Variants in SUGCT observed in about 807,000 individuals in gnomAD.
The protein encoded by SUGCT is succinyl-CoA:glutarate-CoA transferase, also known as succinyl-CoA:glutarate CoA-transferase.
In SUGCT, 41 loss-of-function variants were observed where a neutral mutation model predicts 55.0. The observed-to-expected ratio is 0.74, with a 90% CI of 0.58 to 0.97. SUGCT has a LOEUF of 0.97. Ranked by LOEUF, SUGCT falls within the 50% of genes least tolerant of loss-of-function variation. SUGCT has a pLI of 0.00. For synonymous variants in SUGCT, 187 were observed against 200.4 expected (o/e 0.93, Z 0.56); for missense variants, 568 against 547.8 (o/e 1.04, Z -0.37).
intron 12 of SUGCT, among the ~76,000 whole-genome samples, chr7:40,715,530 G>T (rs1432363143): frequency 6.6e-6 from 1 of 152,080 alleles, no homozygotes; most frequent in Non-Finnish European, 1.5e-5. Context: ...GTCTAAAACT[G>T]AGCTTACCTT....
At chr7:40,452,569 G>A (rs1234483522) in intron 10 of SUGCT, among the ~76,000 whole-genome samples, 1 of 152,132 alleles carries the variant, frequency 6.6e-6, no homozygotes, top group East Asian at 1.9e-4. Flanking sequence ...AAGGTATAAT[G>A]TTTAAGGCCT....
At chr7:40,853,136 G>A (rs1259651405) in intron 13 of SUGCT, among the ~76,000 whole-genome samples, 1 of 151,428 alleles carries the variant, frequency 6.6e-6, no homozygotes, top group African/African-American at 2.4e-5. Context: ...TCTATGTTTT[G>A]TTTGCTAATA....
chr7:40,284,463 C>T (rs1258875968), intron 8 of SUGCT, among the ~76,000 whole-genome samples: 1 of 151,794 alleles, frequency 6.6e-6, no homozygotes, highest in Non-Finnish European at 1.5e-5. Context: ...CAAAAATTAG[C>T]CAGGTGTGGT....
chr7:40,314,417 C>T lies in SUGCT; in HGVS notation c.721-2343C>T, dbSNP rs189029463. Among the ~76,000 whole-genome samples the T allele has an allele frequency of 4.4e-3, 666 of 152,096 alleles. 6 individuals are homozygous for T. Among genetic ancestry groups the T allele is most frequent in the African/African-American group, 0.015 (608 of 41,516 alleles). On this transcript the variant is annotated intron_variant, in intron 8 of 13. Coordinates refer to ENST00000335693, the MANE Select transcript of SUGCT (RefSeq NM_001193313.2). ...ACAGAGCCCCTTAGAGAGTGACATT[C>T]GCCATGATTTATTTGAATGAAAAAA...
chr7:40,391,037 G>A (rs552623992), intron 9 of SUGCT, among the ~76,000 whole-genome samples: 10 of 152,254 alleles, frequency 6.6e-5, no homozygotes, highest in African/African-American at 2.4e-4. Context: ...ATGGGGAAAG[G>A]ATTCCCTATT....
intron 1 of SUGCT, chr7:40,153,512 A>G: frequency 2.6e-6 from 1 of 381,624 alleles, no homozygotes. Context: ...CACATTTTGG[A>G]CCTATGACTC....
the SUGCT span, among the ~76,000 whole-genome samples, chr7:40,880,394 T>C: frequency 2.6e-5 from 4 of 152,318 alleles, no homozygotes; most frequent in Admixed American, 6.5e-5. Context: ...GGTGTGATCA[T>C]TGGGCTCTGT....
rs202081764 is a variant in SUGCT at position 40,270,970 on chromosome 7, ACTTT to A, written c.577-3538_577-3535del. ...TTTTTATCCTATTATAAATTGAATT[ACTTT>A]CTTTATTTCATTTTTTGTTTGTTTA... On this transcript the variant is annotated intron_variant, in intron 7 of 13. Coordinates refer to ENST00000335693, the MANE Select transcript of SUGCT (RefSeq NM_001193313.2). 6.2e-3 allele frequency among the ~76,000 whole-genome samples: 946 copies of A among 152,136 alleles called. 10 individuals are homozygous for A. Among genetic ancestry groups the A allele is most frequent in the African/African-American group, 0.021 (880 of 41,534 alleles).
intron 9 of SUGCT, among the ~76,000 whole-genome samples, chr7:40,426,614 A>G (rs965426594): frequency 2.0e-5 from 3 of 152,260 alleles, no homozygotes; most frequent in East Asian, 3.9e-4. Flanking sequence ...AGGTGTTTCC[A>G]TAGATGGAAG....
At chr7:40,560,953 C>T (rs1795804576) in intron 12 of SUGCT, among the ~76,000 whole-genome samples, 2 of 152,182 alleles carry the variant, frequency 1.3e-5, no homozygotes, top group South Asian at 2.1e-4. Context: ...TGTTAAACAT[C>T]CTTGGTGACT....
In SUGCT at chr7:40,406,724, A is replaced by G. The variant is rs188785255; in HGVS notation, c.817-42563A>G. Among the ~76,000 whole-genome samples, 455 of 152,354 alleles carry G rather than the reference A, an allele frequency of 3.0e-3. 2 individuals are homozygous for G. Among genetic ancestry groups the G allele is most frequent in the African/African-American group, 9.9e-3 (413 of 41,582 alleles). ...TTATTCAAAAAGTTGTAATTTAATC[A>G]TAAGAATGTATCTCAGGGATAAGTA... On this transcript the variant is annotated intron_variant, in intron 9 of 13. Coordinates refer to ENST00000335693, the MANE Select transcript of SUGCT (RefSeq NM_001193313.2).
intron 13 of SUGCT, among the ~76,000 whole-genome samples, chr7:40,801,545 G>A (rs1211259823): frequency 1.3e-5 from 2 of 152,140 alleles, no homozygotes; most frequent in Admixed American, 6.5e-5. Flanking sequence ...GGACAATGAA[G>A]AAGGGGTTGG....
At chr7:40,259,693 C>A (rs1791090818) in intron 7 of SUGCT, among the ~76,000 whole-genome samples, 1 of 152,160 alleles carries the variant, frequency 6.6e-6, no homozygotes, top group Admixed American at 6.5e-5. Context: ...TCTTTACTTA[C>A]CGACATTCAT....
intron 9 of SUGCT, among the ~76,000 whole-genome samples, chr7:40,446,777 A>G (rs1322672226): frequency 1.3e-5 from 2 of 152,168 alleles, no homozygotes; most frequent in African/African-American, 4.8e-5. Flanking sequence ...CATGACCAAT[A>G]CAATCTCCCA....
intron 13 of SUGCT, among the ~76,000 whole-genome samples, chr7:40,828,745 G>T (rs767292904): frequency 6.6e-6 from 1 of 152,112 alleles, no homozygotes; most frequent in African/African-American, 2.4e-5. Context: ...GGGAAAGACT[G>T]ACCTCAATAT....
intron 12 of SUGCT, among the ~76,000 whole-genome samples, chr7:40,669,656 A>C (rs1801834339): frequency 1.3e-5 from 2 of 151,650 alleles, no homozygotes; most frequent in African/African-American, 2.4e-5. Context: ...AAACAAAAAA[A>C]CCCTCAACTT....
chr7:40,768,837 G>GGAAGGC (rs1201661842), intron 13 of SUGCT, among the ~76,000 whole-genome samples: 14 of 152,146 alleles, frequency 9.2e-5, no homozygotes, highest in Admixed American at 9.2e-4. Flanking sequence ...ACCCTGTATT[G>GGAAGGC]GAAGGCAGGT....
intron 1 of SUGCT, among the ~76,000 whole-genome samples, chr7:40,167,005 A>G (rs1784455452): frequency 6.6e-6 from 1 of 152,250 alleles, no homozygotes. Context: ...AAAAAGCTAT[A>G]CATGCACTTA....
rs1263870643 is a variant in SUGCT at position 40,553,605 on chromosome 7, A to G, written c.1089+57219A>G. Among the ~76,000 whole-genome samples, 2 of 152,234 alleles carry G rather than the reference A, an allele frequency of 1.3e-5. 1 individual carries two copies. Among genetic ancestry groups the G allele is most frequent in the Middle Eastern group, 6.3e-3 (2 of 316 alleles). On this transcript the variant is annotated intron_variant, in intron 12 of 13. Transcript: ENST00000335693. ...CTATATCGATATATGTCCACCCTCTACACGTAGACTGATAATCATTAACTG... is the reference window on the plus strand; with the variant it reads ...CTATATCGATATATGTCCACCCTCTGCACGTAGACTGATAATCATTAACTG...
Sources: allele counts gnomAD v4.1 joint callset (sites outside exome capture counted in the v4.1 genomes callset), GRCh38; gene constraint gnomAD v4.1.1; transcripts MANE v1.5; gene names NCBI Gene and HGNC (gene_info 2026-07-23, HGNC 2026-07-21).